Variants in TMEM116 observed in about 807,000 individuals in gnomAD.
The protein encoded by TMEM116 is transmembrane protein 116.
In TMEM116, 38 loss-of-function variants were observed where a neutral mutation model predicts 44.3. That is an observed-to-expected ratio of 0.86 (90% confidence interval 0.66 to 1.12). The LOEUF is 1.12. TMEM116 is among the 50% of genes most tolerant of loss of function. The probability of loss-of-function intolerance (pLI) is 0.00; values close to 1 mark genes in which losing one functional copy is unlikely to be tolerated. For synonymous variants in TMEM116, 132 were observed against 144.8 expected, an observed-to-expected ratio of 0.91 and a Z score of 0.64; for missense variants, 354 against 401.7, an observed-to-expected ratio of 0.88 and a Z score of 1.01.
chr12:111,956,796 G>T (rs2074127583), intron 4 of TMEM116, among the ~76,000 whole-genome samples: 2 of 152,324 alleles, frequency 1.3e-5, no homozygotes, highest in East Asian at 1.9e-4. Context: ...ATTGCAGACG[G>T]AGTCTCGCTC....
rs1201759766 is a variant in TMEM116, at chr12:111,962,284, C to G, written c.211-18915G>C. ...CAATGCTATCCCCATCAAGCTACCA[C>G]TGACTTTCTTCACAAAATTAGAAAA... On this transcript the variant is annotated intron_variant, in intron 4 of 10. Coordinates refer to ENST00000552374, the MANE Select transcript of TMEM116 (RefSeq NM_001193531.2). 2.0e-5 allele frequency among the ~76,000 whole-genome samples: 3 copies of G among 152,132 alleles called. No homozygotes were observed. The South Asian group carries it at 6.2e-4, about 31-fold the overall frequency.
chr12:111,978,865 T>C, intron 4 of TMEM116: 1 of 373,770 alleles, frequency 2.7e-6, no homozygotes, highest in Non-Finnish European at 5.4e-6. Flanking sequence ...TAAGACACCA[T>C]GCAGACACTA....
At chr12:111,946,719 T>G (rs1705992537) in intron 4 of TMEM116, among the ~76,000 whole-genome samples, 2 of 152,342 alleles carry the variant, frequency 1.3e-5, no homozygotes, top group African/African-American at 4.8e-5. Flanking sequence ...ATACTAGTTT[T>G]CTTGTTTACT....
chr12:111,992,142 C>T (rs1231332795), intron 3 of TMEM116, among the ~76,000 whole-genome samples: 2 of 152,084 alleles, frequency 1.3e-5, no homozygotes, highest in Admixed American at 6.6e-5. Flanking sequence ...AACCTTCTTA[C>T]TCACAGGGAC....
chr12:111,969,092 G>A (rs555451022), intron 4 of TMEM116, among the ~76,000 whole-genome samples: 4 of 151,180 alleles, frequency 2.6e-5, no homozygotes, highest in African/African-American at 9.7e-5. Flanking sequence ...AGGCCACGGC[G>A]GGTGGATCAC....
At chr12:111,999,093 T>C (rs1451030911) in intron 3 of TMEM116, among the ~76,000 whole-genome samples, 1 of 152,108 alleles carries the variant, frequency 6.6e-6, no homozygotes, top group Non-Finnish European at 1.5e-5. Context: ...ATATAGGTCA[T>C]GCTCTTAAGA....
intron 4 of TMEM116, among the ~76,000 whole-genome samples, chr12:111,964,002 G>A (rs1214871738): frequency 6.6e-6 from 1 of 150,458 alleles, no homozygotes; most frequent in Non-Finnish European, 1.5e-5. Context: ...ATGTTCTTCA[G>A]TTAGCAAAAT....
At chr12:111,939,882 G>C (rs1384453351) in intron 5 of TMEM116, among the ~76,000 whole-genome samples, 1 of 18,806 alleles carries the variant, frequency 5.3e-5, no homozygotes, top group Non-Finnish European at 9.1e-5. Context: ...TCAAAGCTCT[G>C]TGTGTGTGTG....
At chr12:111,946,432 C>T (rs370269187) in intron 4 of TMEM116, among the ~76,000 whole-genome samples, 2 of 152,180 alleles carry the variant, frequency 1.3e-5, no homozygotes, top group Non-Finnish European at 2.9e-5. Context: ...AGGAAACAAA[C>T]GGATGGGCCA....
intron 3 of TMEM116, chr12:111,993,455 T>TA: frequency 1.8e-6 from 1 of 562,864 alleles, no homozygotes; most frequent in Admixed American, 2.0e-5. Context: ...CAGAGCATGT[T>TA]ATCTCTGGTG....
intron 4 of TMEM116, among the ~76,000 whole-genome samples, chr12:111,953,864 AAC>A (rs2073910275): frequency 6.6e-6 from 1 of 152,206 alleles, no homozygotes; most frequent in African/African-American, 2.4e-5. Flanking sequence ...CTTCTACAAG[AAC>A]ACATTTAAAA....
intron 4 of TMEM116, among the ~76,000 whole-genome samples, chr12:111,946,184 T>A (rs1361824234): frequency 6.6e-6 from 1 of 152,206 alleles, no homozygotes; most frequent in African/African-American, 2.4e-5. Flanking sequence ...GCTTTTACTT[T>A]TTCTAAAATC....
chr12:111,933,506 T>C (rs1347965347), intron 9 of TMEM116, among the ~76,000 whole-genome samples: 2 of 149,614 alleles, frequency 1.3e-5, no homozygotes, highest in African/African-American at 4.9e-5. Flanking sequence ...TTTTTTTTTT[T>C]GAGATGGAGT....
At position 111,957,850 on chromosome 12, in the gene TMEM116, AAAAG is replaced by A. The variant is rs1210500776; in HGVS notation, c.211-14485_211-14482del. On this transcript the variant is annotated intron_variant, in intron 4 of 10. Coordinates refer to ENST00000552374, the MANE Select transcript of TMEM116 (RefSeq NM_001193531.2). ...GAATAGAAAAGGGGGAAATGTGGGG[AAAAG>A]AAAGAGAGATCAGATTGTTATTGTG... Among the ~76,000 whole-genome samples, 3 of 152,174 alleles carry A rather than the reference AAAAG, an allele frequency of 2.0e-5. No homozygotes were observed. In the East Asian group the frequency reaches 5.8e-4, roughly 29 times the overall value.
In TMEM116 at chr12:111,933,919, A is replaced by G. The variant is rs962249073; in HGVS notation, c.700T>C (p.Tyr234His). 2 of 1,614,178 alleles carry G rather than the reference A, an allele frequency of 1.2e-6. No individual in the cohort carries two copies. Among genetic ancestry groups the G allele is most frequent in the Non-Finnish European group, 1.7e-6 (2 of 1,180,032 alleles). The part of the protein sequence containing the change: ...IHIVDQRVRF[Y>H]PVAFFCCWGP... ...CAGCAGCAAAAGAAGGCCACTGGGT[A>G]GAAGCGCACCCGTTGGTCCACAATG... Residue 234 changes from tyrosine to histidine, a missense_variant, in exon 9 of 11, where the codon TAC (tyrosine) becomes CAC (histidine). By Grantham distance (83) the Tyr-to-His change is moderately conservative. Transcript: ENST00000552374.
At chr12:111,932,955 A>G (rs1266757773) in intron 9 of TMEM116, among the ~76,000 whole-genome samples, 2 of 152,132 alleles carry the variant, frequency 1.3e-5, no homozygotes, top group Admixed American at 1.3e-4. Context: ...AAATTATCCA[A>G]TCTGGGCGGG....
intron 4 of TMEM116, among the ~76,000 whole-genome samples, chr12:111,951,611 A>G (rs977587615): frequency 6.6e-6 from 1 of 152,140 alleles, no homozygotes; most frequent in Non-Finnish European, 1.5e-5. Context: ...GAGCTAAATG[A>G]TGGGAATACA....
At chr12:112,010,211 A>C (rs1003585253) in intron 1 of TMEM116, among the ~76,000 whole-genome samples, 1 of 152,060 alleles carries the variant, frequency 6.6e-6, no homozygotes, top group Non-Finnish European at 1.5e-5. Context: ...CCAAGGCTTA[A>C]CTCTATTTCC....
intron 3 of TMEM116, among the ~76,000 whole-genome samples, chr12:111,996,542 G>A (rs1326032743): frequency 1.3e-5 from 2 of 152,104 alleles, no homozygotes; most frequent in Non-Finnish European, 2.9e-5. Flanking sequence ...AAGTATTAAC[G>A]GGAACAAAAA....
Sources: allele counts gnomAD v4.1 joint callset (sites outside exome capture counted in the v4.1 genomes callset), GRCh38; gene constraint gnomAD v4.1.1; transcripts MANE v1.5; gene names NCBI Gene and HGNC (gene_info 2026-07-23, HGNC 2026-07-21).